SNTG1: variants seen among roughly 807,000 people sequenced by gnomAD.
The protein encoded by SNTG1 is gamma-1-syntrophin.
A neutral mutation model predicts 74.7 loss-of-function variants in SNTG1; 39 were observed. That is an observed-to-expected ratio of 0.52 (90% CI 0.40 to 0.68). The LOEUF (loss-of-function observed/expected upper bound fraction) is 0.68, where lower values mean the gene tolerates loss of function less well. SNTG1 is among the 30% of genes least tolerant of loss of function. The pLI, the probability that SNTG1 is intolerant of heterozygous loss-of-function variation, is 0.00. For missense variants in SNTG1, 685 were observed against 609.5 expected (o/e 1.12, Z -1.30); for synonymous variants, 254 against 217.1 (o/e 1.17, Z -1.49).
chr8:49,991,456 G>C (rs1461687177), intron 1 of SNTG1, among the ~76,000 whole-genome samples: 1 of 151,996 alleles, frequency 6.6e-6, no homozygotes, highest in Admixed American at 6.6e-5. Context: ...CAAGAGAAAT[G>C]ATAACATAAC....
At chr8:50,679,895 A>G (rs2095324362) in intron 15 of SNTG1, among the ~76,000 whole-genome samples, 1 of 152,166 alleles carries the variant, frequency 6.6e-6, no homozygotes, top group Non-Finnish European at 1.5e-5. Context: ...GGAAATTGAG[A>G]GAGGGTCAAG....
rs547304802 is a variant in SNTG1, at chr8:49,942,698, G to T, written c.-103+30467G>T. Among the ~76,000 whole-genome samples the T allele has an allele frequency of 2.6e-5, 4 of 152,218 alleles. No homozygotes were observed. In the East Asian group the frequency reaches 5.8e-4, roughly 22 times the overall value. The stretch of plus-strand genomic sequence containing the variant: ...TATTCTATGGGATGTCCCTATATTG[G>T]GGTTTCTTTGATGTTTCAAGTATGA... On this transcript the variant is annotated intron_variant, in intron 1 of 18. Transcript: ENST00000642720.
chr8:50,764,427 A>C (rs942900782), intron 18 of SNTG1, among the ~76,000 whole-genome samples: 1 of 151,954 alleles, frequency 6.6e-6, no homozygotes, highest in African/African-American at 2.4e-5. Flanking sequence ...CAAAGTACAA[A>C]ACAAATAACC....
intron 1 of SNTG1, among the ~76,000 whole-genome samples, chr8:50,017,283 GA>G (rs1204914927): frequency 2.0e-5 from 3 of 151,726 alleles, no homozygotes; most frequent in Admixed American, 6.6e-5. Context: ...TATAGAAAGA[GA>G]AAAAGGGAAT....
At chr8:50,089,577 C>T (rs985852980) in intron 1 of SNTG1, among the ~76,000 whole-genome samples, 38 of 152,064 alleles carry the variant, frequency 2.5e-4, no homozygotes, top group Admixed American at 1.4e-3. Context: ...ACAAACAACC[C>T]CATCAAAAAG....
At chr8:50,192,319 C>G (rs2083606889) in intron 2 of SNTG1, among the ~76,000 whole-genome samples, 1 of 152,106 alleles carries the variant, frequency 6.6e-6, no homozygotes, top group Admixed American at 6.6e-5. Flanking sequence ...TACTTGCTTT[C>G]TTTGGTCCTT....
In SNTG1 at chr8:50,498,059, G is replaced by T. The variant is rs562806504; in HGVS notation, c.364-4719G>T. ...TCTAAATTTTCTGATTAAAAATACA[G>T]CTGCTATGAATATTCATGAAAAGTA... On this transcript the variant is annotated intron_variant, in intron 8 of 18. Coordinates refer to ENST00000642720, the MANE Select transcript of SNTG1 (RefSeq NM_018967.5). Among the ~76,000 whole-genome samples the T allele has an allele frequency of 9.2e-5, 14 of 151,658 alleles. No homozygotes were observed. In the South Asian group the frequency reaches 1.5e-3, roughly 16 times the overall value.
intron 1 of SNTG1, among the ~76,000 whole-genome samples, chr8:50,047,497 T>G (rs1819196614): frequency 6.6e-6 from 1 of 152,046 alleles, no homozygotes; most frequent in South Asian, 2.1e-4. Context: ...GACTCAAAAT[T>G]AAGAGATACT....
intron 1 of SNTG1, among the ~76,000 whole-genome samples, chr8:50,079,240 C>A (rs181827400): frequency 6.6e-6 from 1 of 152,096 alleles, no homozygotes; most frequent in African/African-American, 2.4e-5. Flanking sequence ...GACTTTTTAA[C>A]GATCGCCATT....
intron 1 of SNTG1, among the ~76,000 whole-genome samples, chr8:50,036,844 G>A (rs1283070609): frequency 2.6e-5 from 4 of 152,058 alleles, no homozygotes; most frequent in Admixed American, 6.5e-5. Flanking sequence ...CCCTTAAATT[G>A]TATTCTAACA....
At chr8:50,763,732 G>A (rs192013261) in intron 18 of SNTG1, among the ~76,000 whole-genome samples, 15 of 144,498 alleles carry the variant, frequency 1.0e-4, no homozygotes, top group Admixed American at 5.1e-4. Flanking sequence ...CTGTGTTCAG[G>A]GATTGGAAAA....
At chr8:50,574,743 A>G (rs2094567328) in intron 12 of SNTG1, among the ~76,000 whole-genome samples, 1 of 152,138 alleles carries the variant, frequency 6.6e-6, no homozygotes, top group Admixed American at 6.5e-5. Context: ...AATATTTGAC[A>G]TGTAAGTCAT....
At chr8:50,324,423 C>A (rs1563898204) in intron 2 of SNTG1, among the ~76,000 whole-genome samples, 1 of 152,128 alleles carries the variant, frequency 6.6e-6, no homozygotes, top group African/African-American at 2.4e-5. Flanking sequence ...AAAGTTTAAA[C>A]CAGGTACTGT....
intron 12 of SNTG1, among the ~76,000 whole-genome samples, chr8:50,571,774 C>T (rs2094550191): frequency 6.6e-6 from 1 of 152,138 alleles, no homozygotes; most frequent in African/African-American, 2.4e-5. Flanking sequence ...TCACCTCCTA[C>T]CAGGCATAGG....
chr8:50,734,702 A>G (rs185950020), intron 17 of SNTG1, among the ~76,000 whole-genome samples: 1 of 145,686 alleles, frequency 6.9e-6, no homozygotes, highest in African/African-American at 2.5e-5. Context: ...ACATATATAT[A>G]TCTCTCTATA....
chr8:50,637,573 A>G (rs985316532), intron 13 of SNTG1, among the ~76,000 whole-genome samples: 2 of 152,102 alleles, frequency 1.3e-5, no homozygotes, highest in Non-Finnish European at 2.9e-5. Context: ...TTCTTCCACT[A>G]CAGTATTTAG....
At chr8:50,089,971 G>T (rs560969184) in intron 1 of SNTG1, among the ~76,000 whole-genome samples, 1 of 152,038 alleles carries the variant, frequency 6.6e-6, no homozygotes, top group Non-Finnish European at 1.5e-5. Flanking sequence ...TGTTTATTGC[G>T]GCATTATTCA....
At chr8:50,149,295 T>C (rs1018223940) in intron 1 of SNTG1, among the ~76,000 whole-genome samples, 1 of 152,194 alleles carries the variant, frequency 6.6e-6, no homozygotes, top group Non-Finnish European at 1.5e-5. Context: ...ATATTAGCAC[T>C]TTGCAAGATG....
intron 8 of SNTG1, among the ~76,000 whole-genome samples, chr8:50,486,812 T>A (rs1327387970): frequency 1.3e-5 from 2 of 151,994 alleles, no homozygotes; most frequent in Non-Finnish European, 2.9e-5. Flanking sequence ...CTTATTATTT[T>A]GAAATATGTC....
Sources: allele counts gnomAD v4.1 joint callset (sites outside exome capture counted in the v4.1 genomes callset), GRCh38; gene constraint gnomAD v4.1.1; transcripts MANE v1.5; gene names NCBI Gene and HGNC (gene_info 2026-07-23, HGNC 2026-07-21).